NGLY1: variants seen among roughly 807,000 people sequenced by gnomAD.
NGLY1 encodes the protein N-glycanase 1.
Under a neutral mutation model 84.6 loss-of-function variants are expected in NGLY1, and 68 were observed. That is an observed-to-expected ratio of 0.80 (90% CI 0.66 to 0.98). NGLY1 has a LOEUF of 0.98. NGLY1 is among the 50% of genes least tolerant of loss of function. NGLY1 has a pLI of 0.00. For synonymous variants in NGLY1, 280 were observed against 275.2 expected (o/e 1.02, Z -0.17); for missense variants, 779 against 770.2 (o/e 1.01, Z -0.14).
intron 8 of NGLY1, among the ~76,000 whole-genome samples, chr3:25,733,351 A>G (rs572564950): frequency 2.6e-5 from 4 of 152,222 alleles, no homozygotes; most frequent in Middle Eastern, 3.4e-3. Context: ...CAATACTATC[A>G]AAGGGGTATA....
chr3:25,720,641 T>C (rs1261565849), intron 10 of NGLY1, among the ~76,000 whole-genome samples: 3 of 152,166 alleles, frequency 2.0e-5, no homozygotes, highest in African/African-American at 7.2e-5. Context: ...ATCGAGAAAA[T>C]ACCTGAGCCA....
intron 4 of NGLY1, chr3:25,749,451 T>C (rs1706611141): frequency 8.5e-7 from 1 of 1,172,218 alleles, no homozygotes; most frequent in Admixed American, 1.7e-5. Flanking sequence ...TCCTCAGCAC[T>C]GCCTACAGAG....
At chr3:25,778,137 G>A (rs9877259) in intron 2 of NGLY1, 98,001 of 152,232 alleles carry the variant, frequency 0.64, 37,402 homozygotes, top group East Asian at 0.91. Context: ...AAAATACTGA[G>A]ACTCCTCTCC....
intron 4 of NGLY1, 137 bp downstream of exon 4, chr3:25,750,961 G>T: frequency 1.3e-6 from 1 of 797,514 alleles, no homozygotes; most frequent in Non-Finnish European, 1.9e-6. Flanking sequence ...ATCCACGTTT[G>T]GTTTAAAAGA....
chr3:25,766,667 T>A (rs1707592662), intron 2 of NGLY1, among the ~76,000 whole-genome samples: 1 of 152,104 alleles, frequency 6.6e-6, no homozygotes, highest in African/African-American at 2.4e-5. Flanking sequence ...AAACCAGACA[T>A]CTGGTTTAAA....
At chr3:25,782,923 C>T in intron 1 of NGLY1, 1 of 251,466 alleles carries the variant, frequency 4.0e-6, no homozygotes, top group Non-Finnish European at 7.8e-6. Flanking sequence ...GGCCGTTAAA[C>T]GACGAGAAGA....
chr3:25,747,931 A>G (rs1234408286), intron 4 of NGLY1, among the ~76,000 whole-genome samples: 1 of 152,238 alleles, frequency 6.6e-6, no homozygotes, highest in Non-Finnish European at 1.5e-5. Context: ...TTTTGTCTGC[A>G]GGAAGCCCAC....
At chr3:25,772,120 A>T (rs992449124) in intron 2 of NGLY1, among the ~76,000 whole-genome samples, 11 of 151,268 alleles carry the variant, frequency 7.3e-5, no homozygotes, top group African/African-American at 2.7e-4. Context: ...TCTTGGGGGA[A>T]TGCTTTCTAC....
intron 2 of NGLY1, among the ~76,000 whole-genome samples, chr3:25,766,896 TA>T (rs1334759351): frequency 2.0e-5 from 3 of 152,132 alleles, no homozygotes; most frequent in African/African-American, 7.2e-5. Flanking sequence ...AAGATATAAT[TA>T]TGGCCAAAGT....
intron 7 of NGLY1, chr3:25,735,100 A>T (rs1356954686): frequency 6.4e-6 from 1 of 157,152 alleles, no homozygotes; most frequent in Non-Finnish European, 1.4e-5. Flanking sequence ...CATAAGCATA[A>T]AACCAAAAAA....
intron 3 of NGLY1, among the ~76,000 whole-genome samples, chr3:25,759,992 C>G (rs1236458372): frequency 1.3e-5 from 2 of 151,308 alleles, no homozygotes; most frequent in African/African-American, 4.8e-5. Flanking sequence ...TTTTATGCAA[C>G]CCTTTATTTT....
chr3:25,727,878 G>C (rs1559530361), intron 10 of NGLY1, among the ~76,000 whole-genome samples: 1 of 152,186 alleles, frequency 6.6e-6, no homozygotes, highest in African/African-American at 2.4e-5. Flanking sequence ...ATTTTAGCAA[G>C]TATAGACTAG....
rs139353748 is a variant in NGLY1 at position 25,780,828 on chromosome 3, G to A, written c.132-2140C>T. Among the ~76,000 whole-genome samples, 314 of 151,396 alleles carry A rather than the reference G, an allele frequency of 2.1e-3. 2 individuals carry two copies. Among genetic ancestry groups the A allele is most frequent in the African/African-American group, 7.2e-3 (295 of 41,126 alleles). On this transcript the variant is annotated intron_variant, in intron 1 of 11. Transcript: ENST00000280700. ...AGATGGGGTCTCACTGTGTTGCCCC[G>A]GCTGCAATCCTTCTACCTGGGGTGT...
chr3:25,776,083 A>G (rs1708141441), intron 2 of NGLY1, among the ~76,000 whole-genome samples: 1 of 152,252 alleles, frequency 6.6e-6, no homozygotes, highest in South Asian at 2.1e-4. Flanking sequence ...AACTTTAAGT[A>G]TAAATTAGTC....
intron 7 of NGLY1, chr3:25,735,029 T>TA (rs1384324775): frequency 5.6e-4 from 140 of 249,540 alleles, no homozygotes; most frequent in Middle Eastern, 2.1e-3. Flanking sequence ...TATCCATATG[T>TA]AAAAAAAAAC....
At chr3:25,780,163 T>A (rs907099383) in intron 1 of NGLY1, among the ~76,000 whole-genome samples, 4 of 152,254 alleles carry the variant, frequency 2.6e-5, no homozygotes, top group Middle Eastern at 3.4e-3. Flanking sequence ...ACAAAGAAAA[T>A]TTTATTCTCA....
chr3:25,757,693 G>C (rs774543073), intron 3 of NGLY1, among the ~76,000 whole-genome samples: 1 of 152,216 alleles, frequency 6.6e-6, no homozygotes, highest in East Asian at 1.9e-4. Context: ...CAAGTGATGT[G>C]CAACAGTGGG....
At chr3:25,731,366 A>G (rs1362417681) in intron 9 of NGLY1, among the ~76,000 whole-genome samples, 1 of 152,118 alleles carries the variant, frequency 6.6e-6, no homozygotes, top group Non-Finnish European at 1.5e-5. Flanking sequence ...GGCATTCACC[A>G]TAATTAGTCA....
intron 1 of NGLY1, among the ~76,000 whole-genome samples, chr3:25,780,777 C>A (rs1257358025): frequency 6.6e-6 from 1 of 151,878 alleles, no homozygotes; most frequent in African/African-American, 2.4e-5. Context: ...AGCCACCACG[C>A]CTGGCTATTT....
Sources: allele counts gnomAD v4.1 joint callset (sites outside exome capture counted in the v4.1 genomes callset), GRCh38; gene constraint gnomAD v4.1.1; transcripts MANE v1.5; gene names NCBI Gene and HGNC (gene_info 2026-07-23, HGNC 2026-07-21).